VWC2: variants seen among roughly 807,000 people sequenced by gnomAD.
VWC2 encodes the protein von Willebrand factor C domain containing 2, also known as brorin.
Under a neutral mutation model 29.8 loss-of-function variants are expected in VWC2, and 14 were observed. That is an observed-to-expected ratio of 0.47 (90% CI 0.31 to 0.74). VWC2 has a LOEUF of 0.74. Ranked by LOEUF, VWC2 falls within the 30% of genes least tolerant of loss-of-function variation. The pLI, the probability that VWC2 is intolerant of heterozygous loss-of-function variation, is 0.05. For missense variants in VWC2, 457 were observed against 459.8 expected, an observed-to-expected ratio of 0.99 and a Z score of 0.05; for synonymous variants, 213 against 199.0, an observed-to-expected ratio of 1.07 and a Z score of -0.59.
intron 1 of VWC2, among the ~76,000 whole-genome samples, chr7:49,775,048 G>A (rs973219797): frequency 6.6e-6 from 1 of 151,958 alleles, no homozygotes; most frequent in Non-Finnish European, 1.5e-5. Flanking sequence ...CTGGCTCGCT[G>A]CGTTCCCTGG....
chr7:49,834,389 A>G (rs1789609975), intron 3 of VWC2, among the ~76,000 whole-genome samples: 1 of 152,198 alleles, frequency 6.6e-6, no homozygotes. Context: ...ATCATACATT[A>G]AGAAGTCCAT....
intron 3 of VWC2, among the ~76,000 whole-genome samples, chr7:49,864,826 A>G (rs529711292): frequency 5.6e-4 from 85 of 152,316 alleles, no homozygotes; most frequent in African/African-American, 1.9e-3. Context: ...AAGCAAGGAC[A>G]ATCAAGACTG....
intron 3 of VWC2, among the ~76,000 whole-genome samples, chr7:49,812,636 A>G (rs758099972): frequency 2.0e-5 from 3 of 152,244 alleles, no homozygotes; most frequent in Admixed American, 6.5e-5. Context: ...AGAGGTTCAG[A>G]AAGTTCCACC....
intron 3 of VWC2, among the ~76,000 whole-genome samples, chr7:49,853,778 A>C (rs188073081): frequency 6.6e-6 from 1 of 151,970 alleles, no homozygotes; most frequent in African/African-American, 2.4e-5. Context: ...GGTTTGTTAC[A>C]TATGTATACG....
chr7:49,902,172 AAG>A (rs1792785691), intron 3 of VWC2, among the ~76,000 whole-genome samples: 1 of 152,028 alleles, frequency 6.6e-6, no homozygotes, highest in Non-Finnish European at 1.5e-5. Flanking sequence ...ATAATAAAGA[AAG>A]AATTGATGGG....
At chr7:49,798,451 G>A (rs555355807) in intron 2 of VWC2, among the ~76,000 whole-genome samples, 1 of 152,324 alleles carries the variant, frequency 6.6e-6, no homozygotes, top group South Asian at 2.1e-4. Flanking sequence ...CTGGAGCCAC[G>A]GCTGCAGCTT....
chr7:49,773,659 T>A lies in VWC2; in HGVS notation c.-558T>A, dbSNP rs1243685600. 1 of 152,544 alleles carries A rather than the reference T, an allele frequency of 6.6e-6. No individual in the cohort carries two copies. The highest frequency in any genetic ancestry group is 1.9e-4 in the East Asian group (1 of 5,170). 9.4% of individuals were successfully genotyped at this position (152,544 alleles called of 1,614,324 possible). ...GGGCGCGCTAGCTCCCATGCTGGCCTCGGTGCCACTCGCGCGCCGGCCGCG... is the reference window on the plus strand; with the variant it reads ...GGGCGCGCTAGCTCCCATGCTGGCCACGGTGCCACTCGCGCGCCGGCCGCG... On this transcript the variant is annotated 5_prime_UTR_variant, in exon 1 of 4. Coordinates refer to ENST00000340652, the MANE Select transcript of VWC2 (RefSeq NM_198570.5).
intron 3 of VWC2, among the ~76,000 whole-genome samples, chr7:49,885,481 C>G (rs901867208): frequency 3.3e-5 from 5 of 151,562 alleles, no homozygotes; most frequent in Non-Finnish European, 7.4e-5. Context: ...TTAACTTCAT[C>G]AAATTACATT....
chr7:49,816,734 A>C (rs1443630899), intron 3 of VWC2, among the ~76,000 whole-genome samples: 1 of 152,238 alleles, frequency 6.6e-6, no homozygotes, highest in East Asian at 1.9e-4. Context: ...AGTGTTCTGA[A>C]CTGTCAAGTT....
chr7:49,820,984 G>A (rs1481834166), intron 3 of VWC2, among the ~76,000 whole-genome samples: 1 of 152,210 alleles, frequency 6.6e-6, no homozygotes, highest in Middle Eastern at 3.2e-3. Context: ...TGGAACTACA[G>A]TCTGGAGATG....
At chr7:49,780,859 C>G (rs1001291026) in intron 2 of VWC2, among the ~76,000 whole-genome samples, 21 of 152,214 alleles carry the variant, frequency 1.4e-4, no homozygotes, top group African/African-American at 5.1e-4. Context: ...GCCTCCGTAT[C>G]TGACTTGCCA....
intron 3 of VWC2, among the ~76,000 whole-genome samples, chr7:49,818,667 A>C (rs1181592590): frequency 6.6e-6 from 1 of 151,914 alleles, no homozygotes; most frequent in Non-Finnish European, 1.5e-5. Context: ...TCTGTGTTGC[A>C]TGCACTTCAC....
intron 3 of VWC2, among the ~76,000 whole-genome samples, chr7:49,901,410 T>C (rs1349689804): frequency 1.3e-5 from 2 of 151,942 alleles, no homozygotes; most frequent in Admixed American, 1.3e-4. Flanking sequence ...TCCTATATAC[T>C]AGCAAATGAC....
At chr7:49,798,280 C>G (rs1291793622) in intron 2 of VWC2, among the ~76,000 whole-genome samples, 1 of 152,226 alleles carries the variant, frequency 6.6e-6, no homozygotes, top group Non-Finnish European at 1.5e-5. Context: ...CACCTCACTC[C>G]TAGACATTTG....
chr7:49,789,111 AGAGAGT>A (rs1788392394), intron 2 of VWC2, among the ~76,000 whole-genome samples: 2 of 112,724 alleles, frequency 1.8e-5, no homozygotes, highest in African/African-American at 9.3e-5. Flanking sequence ...AGAGAGATTG[AGAGAGT>A]GTAGTGTGTG....
At chr7:49,807,423 G>A (rs899807337) in intron 3 of VWC2, among the ~76,000 whole-genome samples, 2 of 152,146 alleles carry the variant, frequency 1.3e-5, no homozygotes, top group African/African-American at 4.8e-5. Context: ...GTTGTGGTTT[G>A]GTCCCAAAGA....
intron 3 of VWC2, among the ~76,000 whole-genome samples, chr7:49,835,167 T>C (rs917908519): frequency 9.2e-5 from 14 of 152,204 alleles, no homozygotes; most frequent in Admixed American, 6.5e-4. Flanking sequence ...TGTTGAACTA[T>C]AGGGTAGAGG....
chr7:49,806,503 T>G (rs1167972136), intron 3 of VWC2, among the ~76,000 whole-genome samples: 2 of 152,220 alleles, frequency 1.3e-5, no homozygotes, highest in Non-Finnish European at 2.9e-5. Context: ...CAGCTTTATT[T>G]TTACAGGAAA....
At chr7:49,782,351 A>G (rs1367085456) in intron 2 of VWC2, among the ~76,000 whole-genome samples, 3 of 152,176 alleles carry the variant, frequency 2.0e-5, no homozygotes, top group Admixed American at 1.3e-4. Flanking sequence ...TCATACAGGC[A>G]GTTGATATCA....
Sources: allele counts gnomAD v4.1 joint callset (sites outside exome capture counted in the v4.1 genomes callset), GRCh38; gene constraint gnomAD v4.1.1; transcripts MANE v1.5; gene names NCBI Gene and HGNC (gene_info 2026-07-23, HGNC 2026-07-21).